MX1: variants seen among roughly 807,000 people sequenced by gnomAD.
MX1 encodes the protein interferon-induced GTP-binding protein Mx1.
MX1 carries 66 observed loss-of-function variants against 66.4 expected under a neutral mutation model. The observed-to-expected ratio is 0.99, with a 90% CI of 0.82 to 1.22. The LOEUF (loss-of-function observed/expected upper bound fraction) is 1.22. MX1 is among the 50% of genes most tolerant of loss of function. The probability of loss-of-function intolerance (pLI) is 0.00; values close to 1 mark genes in which losing one functional copy is unlikely to be tolerated. For missense variants in MX1, 787 were observed against 834.3 expected, an observed-to-expected ratio of 0.94 and a Z score of 0.70; for synonymous variants, 311 against 318.1, an observed-to-expected ratio of 0.98 and a Z score of 0.24.
intron 15 of MX1, 33 bp downstream of exon 15, chr21:41,451,276 AAAG>A (rs756524308): frequency 1.5e-6 from 2 of 1,366,714 alleles, no homozygotes; most frequent in Non-Finnish European, 2.1e-6. Flanking sequence ...TAAAAAAAAA[AAAG>A]AAAAGAAATT....
At chr21:41,437,795 T>C (rs467692) in intron 7 of MX1, among the ~76,000 whole-genome samples, 53,784 of 152,190 alleles carry the variant, frequency 0.35, 11,628 homozygotes, top group Non-Finnish European at 0.5. Flanking sequence ...CTCCTCCCCC[T>C]GTTCCTTTGT....
chr21:41,442,980 T>G (rs1415909969), intron 10 of MX1, among the ~76,000 whole-genome samples: 1 of 152,172 alleles, frequency 6.6e-6, no homozygotes, highest in Non-Finnish European at 1.5e-5. Context: ...TAGTGTTTAA[T>G]GGGGCCATTG....
intron 14 of MX1, among the ~76,000 whole-genome samples, chr21:41,450,654 T>C (rs2090797086): frequency 6.6e-6 from 1 of 152,152 alleles, no homozygotes; most frequent in Non-Finnish European, 1.5e-5. Flanking sequence ...ATGTATGACA[T>C]GGAGATCAAT....
At chr21:41,432,525 G>A (rs1481221005) in intron 5 of MX1, among the ~76,000 whole-genome samples, 1 of 152,170 alleles carries the variant, frequency 6.6e-6, no homozygotes, top group Non-Finnish European at 1.5e-5. Flanking sequence ...AAACCCTGGG[G>A]CATCATTAAG....
intron 15 of MX1, 69 bp downstream of exon 15, chr21:41,451,312 T>C: frequency 1.0e-6 from 1 of 999,802 alleles, no homozygotes; most frequent in Non-Finnish European, 1.5e-6. Context: ...AGAAAATAGA[T>C]TTCTTGGATG....
At chr21:41,425,369 C>A (rs970222918), upstream of MX1, among the ~76,000 whole-genome samples, 2 of 152,170 alleles carry the variant, frequency 1.3e-5, no homozygotes, top group African/African-American at 4.8e-5. Flanking sequence ...GGGAGAATTA[C>A]AAATAACCTT....
At chr21:41,438,847 T>A (rs1216319033) in intron 7 of MX1, among the ~76,000 whole-genome samples, 4 of 152,166 alleles carry the variant, frequency 2.6e-5, no homozygotes, top group African/African-American at 7.2e-5. Context: ...GGAACCAAGA[T>A]TTATTCTTCT....
chr21:41,453,752 G>A (rs1261263123), intron 16 of MX1, among the ~76,000 whole-genome samples: 2 of 152,188 alleles, frequency 1.3e-5, no homozygotes, highest in Non-Finnish European at 2.9e-5. Flanking sequence ...CAATACATGG[G>A]AGGTGTACTT....
chr21:41,456,864 C>T (rs1419460869), intron 16 of MX1, among the ~76,000 whole-genome samples: 3 of 152,098 alleles, frequency 2.0e-5, no homozygotes, highest in Admixed American at 6.5e-5. Flanking sequence ...TGAGATCAAG[C>T]GATTCTCCTG....
intron 16 of MX1, among the ~76,000 whole-genome samples, chr21:41,454,972 T>C (rs1304553160): frequency 6.6e-6 from 1 of 151,412 alleles, no homozygotes; most frequent in Non-Finnish European, 1.5e-5. Flanking sequence ...AGTGGCACAA[T>C]CTCAGCTCAC....
chr21:41,449,114 G>T lies in MX1; in HGVS notation c.1274-23G>T, dbSNP rs200763216. On this transcript the variant is annotated intron_variant, in intron 13 of 16. Coordinates refer to ENST00000398598, the MANE Select transcript of MX1 (RefSeq NM_002462.5). ...AAGATTATTTTTGTAAAATAATTTA[G>T]AGGGTTTTTTTTCCTGCTATAGGCC... 1.6e-3 allele frequency: 2,431 copies of T among 1,560,182 alleles called. 5 individuals are homozygous for T. Among genetic ancestry groups the T allele is most frequent in the Non-Finnish European group, 1.9e-3 (2,185 of 1,155,248 alleles).
At chr21:41,451,481 C>T (rs1250938114) in intron 15 of MX1, among the ~76,000 whole-genome samples, 2 of 152,130 alleles carry the variant, frequency 1.3e-5, no homozygotes, top group African/African-American at 4.8e-5. Context: ...AGAAGATTAT[C>T]ACATCTAAGG....
intron 7 of MX1, among the ~76,000 whole-genome samples, chr21:41,438,785 C>T (rs1406493371): frequency 2.6e-5 from 4 of 152,202 alleles, no homozygotes; most frequent in Admixed American, 2.6e-4. Context: ...CTGTCCCTCT[C>T]ATATAAGTCT....
intron 16 of MX1, among the ~76,000 whole-genome samples, chr21:41,456,063 G>A (rs13052975): frequency 0.2 from 30,115 of 152,028 alleles, 3,504 homozygotes; most frequent in East Asian, 0.42. Context: ...CCAACATGGC[G>A]AAACCCGGTC....
At chr21:41,448,431 G>A (rs1455036076) in intron 13 of MX1, among the ~76,000 whole-genome samples, 5 of 152,118 alleles carry the variant, frequency 3.3e-5, no homozygotes, top group Admixed American at 6.5e-5. Context: ...TGCAGTTGAG[G>A]GCAAGGAGTG....
chr21:41,430,934 G>T (rs2090193260), intron 4 of MX1, among the ~76,000 whole-genome samples: 1 of 152,178 alleles, frequency 6.6e-6, no homozygotes, highest in African/African-American at 2.4e-5. Context: ...TAAACTAAAG[G>T]TTTGGGTATC....
intron 16 of MX1, among the ~76,000 whole-genome samples, chr21:41,456,497 C>A (rs576482827): frequency 6.6e-6 from 1 of 152,058 alleles, no homozygotes; most frequent in Non-Finnish European, 1.5e-5. Flanking sequence ...GAGGCCCATC[C>A]ACATCATTGA....
chr21:41,453,109 T>C (rs1255291651), intron 16 of MX1, among the ~76,000 whole-genome samples: 1 of 152,182 alleles, frequency 6.6e-6, no homozygotes, highest in South Asian at 2.1e-4. Flanking sequence ...GGAGGCCTTC[T>C]ACCATCACGG....
At chr21:41,432,329 T>G (rs2090241231) in intron 5 of MX1, among the ~76,000 whole-genome samples, 154 bp downstream of exon 5, 1 of 152,244 alleles carries the variant, frequency 6.6e-6, no homozygotes, top group African/African-American at 2.4e-5. Flanking sequence ...ACTTGCCAGC[T>G]GACAACCATG....
Sources: gnomAD v4.1 joint callset for allele counts (sites outside exome capture counted in the v4.1 genomes callset) on GRCh38, gnomAD v4.1.1 for gene constraint, MANE v1.5 for transcripts, NCBI Gene and HGNC (gene_info 2026-07-23, HGNC 2026-07-21) for gene names.